EFS: variants seen among roughly 807,000 people sequenced by gnomAD.
The protein encoded by EFS is Cas scaffolding protein family member 3.
A neutral mutation model predicts 42.2 loss-of-function variants in EFS; 34 were observed. The observed-to-expected ratio is 0.81, with a 90% CI of 0.61 to 1.07. The LOEUF (loss-of-function observed/expected upper bound fraction) is 1.07. Among genes scored for constraint, EFS ranks in the 50% least tolerant of loss-of-function variants. The pLI, the probability that EFS is intolerant of heterozygous loss-of-function variation, is 0.00. For synonymous variants in EFS, 299 were observed against 320.7 expected, an observed-to-expected ratio of 0.93 and a Z score of 0.72; for missense variants, 717 against 729.4, an observed-to-expected ratio of 0.98 and a Z score of 0.20.
Position 23,360,002 on chromosome 14 carries a change from G to A in EFS, c.476C>T (p.Ser159Phe), listed in dbSNP as rs1468153096. 1 of 1,603,742 alleles carries A rather than the reference G, an allele frequency of 6.2e-7. No individual in the cohort carries two copies. Among genetic ancestry groups the A allele is most frequent in the Non-Finnish European group, 8.5e-7 (1 of 1,175,770 alleles). ...DVPPTALRVP[S>F]SGPYDCPASF... ...GGCAGGGCAGTCATAGGGGCCACTGGAGGGCACCCGGAGGGCGGTGGGGGG... is the reference window on the plus strand; with the variant it reads ...GGCAGGGCAGTCATAGGGGCCACTGAAGGGCACCCGGAGGGCGGTGGGGGG... The change falls in exon 4 of 6, where the codon TCC becomes TTC. Residue 159 changes from serine (S) to phenylalanine (F), a missense_variant. Physicochemically the swap from Ser to Phe is radical, Grantham distance 155. Coordinates refer to ENST00000216733, the MANE Select transcript of EFS (RefSeq NM_005864.4).
Position 23,359,967 on chromosome 14 carries a change from G to A in EFS, c.511C>T (p.His171Tyr), listed in dbSNP as rs1402314630. The A allele has an allele frequency of 1.3e-6, 2 of 1,577,766 alleles. No homozygotes were observed. The highest frequency in any genetic ancestry group is 1.7e-6 in the Non-Finnish European group (2 of 1,163,118). ...GPYDCPASFSHPLTRVAPQPP... is the reference protein window; with the variant it reads ...GPYDCPASFSYPLTRVAPQPP... ...TGCGGGGCAACCCGGGTCAGAGGGT[G>A]GGAAAAGGAGGCAGGGCAGTCATAG... The change falls in exon 4 of 6, where the codon CAC (histidine) becomes TAC (tyrosine). Residue 171 changes from histidine to tyrosine, a missense_variant. Transcript: ENST00000216733.
intron 1 of EFS, among the ~76,000 whole-genome samples, chr14:23,364,127 G>A (rs1003973260): frequency 5.9e-5 from 9 of 152,174 alleles, no homozygotes; most frequent in African/African-American, 9.7e-5. Flanking sequence ...CTAGAAGAGG[G>A]TGGAAAGGGA....
In EFS at chr14:23,357,250, G is replaced by C. The variant is rs761281297; in HGVS notation, c.1662C>G (p.Thr554=). The change falls in exon 6 of 6, where the codon ACC becomes ACG. Residue 554 remains threonine, a synonymous_variant. Transcript: ENST00000216733. The stretch of plus-strand genomic sequence containing the variant: ...TTCATGGAGCCAGGCTAGTGAGCAG[G>C]GTAGTGAATTGCAGGGCCTGCCCTG... ...ELAGQALQFT[T]LLTSLAP 2.9e-5 allele frequency: 45 copies of C among 1,568,734 alleles called. No individual in the cohort carries two copies. The South Asian group carries it at 5.2e-4, about 18-fold the overall frequency.
chr14:23,360,368 C>T, intron 2 of EFS, 87 bp from the exon 3 acceptor site: 1 of 1,524,540 alleles, frequency 6.6e-7, no homozygotes. Context: ...TAGAGACCTT[C>T]TAACTCTCCC....
At chr14:23,364,506 T>G (rs1890255610) in intron 1 of EFS, among the ~76,000 whole-genome samples, 1 of 152,166 alleles carries the variant, frequency 6.6e-6, no homozygotes. Flanking sequence ...TCCCTCTGTC[T>G]TCTCTTTCTT....
rs778032789 is a variant in EFS at position 23,357,422 on chromosome 14, G to A, written c.1490C>T (p.Ser497Phe). The change falls in exon 6 of 6, where the codon TCT (serine) becomes TTT (phenylalanine). Residue 497 changes from serine to phenylalanine, a missense_variant. Transcript: ENST00000216733. The part of the protein sequence containing the change: ...VGDTLGRLAA[S>F]APLRAQVRAA... Reference sequence around the variant, plus strand: ...CCTGACCTGTGCTCTCAGAGGGGCAGAGGCTGCCAGCCGGCCCAGGGTGTC... The same window carrying A: ...CCTGACCTGTGCTCTCAGAGGGGCAAAGGCTGCCAGCCGGCCCAGGGTGTC... 7.1e-5 allele frequency: 114 copies of A among 1,612,180 alleles called. 1 individual carries two copies. Among genetic ancestry groups the A allele is most frequent in the Admixed American group, 1.2e-4 (7 of 59,920 alleles).
chr14:23,365,161 A>C lies in EFS; in HGVS notation c.-136T>G, dbSNP rs1595031910. 5 of 767,950 alleles carry C rather than the reference A, an allele frequency of 6.5e-6. No homozygotes were observed. The highest frequency in any genetic ancestry group is 3.4e-5 in the East Asian group (1 of 29,562). The allele number at this position is 767,950 out of a possible 1,614,324, so 47.6% of individuals were successfully genotyped here. On this transcript the variant is annotated 5_prime_UTR_variant, in exon 1 of 6. Transcript: ENST00000216733. This position sits in a 1 kb window ranked among gnomAD's most constrained non-coding sequence, Gnocchi z 5.3. ...GAGTCGTGGCCTCCGCCAAGGTTGG[A>C]GGAGGAGAAAGAAAACCCACAAAAC...
intron 2 of EFS, 21 bp from the exon 3 acceptor site, chr14:23,360,302 G>C (rs1351677769): frequency 1.3e-6 from 2 of 1,597,034 alleles, no homozygotes; most frequent in East Asian, 4.5e-5. Flanking sequence ...AAATAGATGG[G>C]GGGTCAGGAG....
In EFS at chr14:23,360,453, C is replaced by T. The variant is rs1890108066; in HGVS notation, c.297+102G>A. On this transcript the variant is annotated intron_variant, in intron 2 of 5. Transcript: ENST00000216733. ...AGCGCAGAGCAGTGAAGAGCTGTGG[C>T]CTCAGGGCTCTTCCTGCCCACCTGC... 3 of 1,491,060 alleles carry T rather than the reference C, an allele frequency of 2.0e-6. No individual in the cohort carries two copies. The African/African-American group carries it at 4.2e-5, about 21-fold the overall frequency. The allele number at this position is 1,491,060 out of a possible 1,614,324, so 92.4% of individuals were successfully genotyped here.
Position 23,357,305 on chromosome 14 carries a change from T to C in EFS, c.1607A>G (p.Gln536Arg). 6.2e-7 allele frequency: 1 copy of C among 1,610,106 alleles called. No homozygotes were observed. Among genetic ancestry groups the C allele is most frequent in the African/African-American group, 1.3e-5 (1 of 74,992 alleles). ...TTCTGTTACACACTGCACCATCTCT[T>C]GGATGGCAGGGCTGGATGGGTAGCC... Reference protein sequence around the residue: ...ALGYPSSPAIQEMVQCVTELA... With the variant: ...ALGYPSSPAIREMVQCVTELA... The change falls in exon 6 of 6, where the codon CAA (glutamine) becomes CGA (arginine). Residue 536 changes from glutamine to arginine, a missense_variant. Physicochemically the swap from Gln to Arg is conservative, Grantham distance 43. Transcript: ENST00000216733.
At chr14:23,362,917 CTTTT>C (rs57240518) in intron 1 of EFS, among the ~76,000 whole-genome samples, 1 of 139,746 alleles carries the variant, frequency 7.2e-6, no homozygotes, top group African/African-American at 2.7e-5. Context: ...TTCTTTCTTT[CTTTT>C]TTTTTTTTTT....
Position 23,360,474 on chromosome 14 carries a change from C to T in EFS, c.297+81G>A, listed in dbSNP as rs905200405. 5.3e-6 allele frequency: 8 copies of T among 1,508,226 alleles called. No homozygotes were observed. The Admixed American group carries it at 9.0e-5, about 17-fold the overall frequency. The allele number at this position is 1,508,226 out of a possible 1,614,324, so 93.4% of individuals were successfully genotyped here. ...GTGGCCTCAGGGCTCTTCCTGCCCACCTGCTGCAGGCCCTGGGTGGGGCTA... is the reference window on the plus strand; with the variant it reads ...GTGGCCTCAGGGCTCTTCCTGCCCATCTGCTGCAGGCCCTGGGTGGGGCTA... On this transcript the variant is annotated intron_variant, in intron 2 of 5. Coordinates refer to ENST00000216733, the MANE Select transcript of EFS (RefSeq NM_005864.4).
At chr14:23,360,946 A>C in intron 1 of EFS, 113 bp from the exon 2 acceptor site, 1 of 1,115,544 alleles carries the variant, frequency 9.0e-7, no homozygotes, top group Non-Finnish European at 1.2e-6. Flanking sequence ...AAAAACCTGA[A>C]CTCTGGATGC....
In EFS at chr14:23,357,144, C is replaced by T. The variant is rs1889939792; in HGVS notation, c.*82G>A. ...AAGATACCCCCATTTCTCCTAGTCCCTTAACAAAGCCTTCCAGCCACCCAA... is the reference window on the plus strand; with the variant it reads ...AAGATACCCCCATTTCTCCTAGTCCTTTAACAAAGCCTTCCAGCCACCCAA... On this transcript the variant is annotated 3_prime_UTR_variant, in exon 6 of 6. Transcript: ENST00000216733. 2.2e-6 allele frequency: 3 copies of T among 1,375,852 alleles called. No homozygotes were observed. Among genetic ancestry groups the T allele is most frequent in the African/African-American group, 2.9e-5 (2 of 68,960 alleles). The allele number at this position is 1,375,852 out of a possible 1,614,324, so 85.2% of individuals were successfully genotyped here. A position where few individuals can be genotyped will look rare whatever the true frequency, so the allele number is the denominator to read the frequency against.
At chr14:23,364,091 G>A (rs1488433337) in intron 1 of EFS, among the ~76,000 whole-genome samples, 4 of 152,100 alleles carry the variant, frequency 2.6e-5, no homozygotes, top group Admixed American at 6.6e-5. Context: ...TGACGGCCTC[G>A]CTTCCCTGGG....
chr14:23,358,120 C>T (rs926719722), intron 5 of EFS, among the ~76,000 whole-genome samples: 1 of 152,134 alleles, frequency 6.6e-6, no homozygotes. Flanking sequence ...TCTGTAAAAT[C>T]CAGGCTGCAT....
chr14:23,357,264 G>T lies in EFS; in HGVS notation c.1648C>A (p.Leu550Met). 6.3e-7 allele frequency: 1 copy of T among 1,578,546 alleles called. No individual in the cohort carries two copies. ...QCVTELAGQA[L>M]QFTTLLTSLA... ...CTAGTGAGCAGGGTAGTGAATTGCA[G>T]GGCCTGCCCTGCCAGTTCTGTTACA... The change falls in exon 6 of 6, where the codon CTG becomes ATG. Residue 550 changes from leucine to methionine, a missense_variant. Leu to Met is a conservative substitution (Grantham distance 15). Coordinates refer to ENST00000216733, the MANE Select transcript of EFS (RefSeq NM_005864.4).
Position 23,359,552 on chromosome 14 carries a change from G to T in EFS, c.926C>A (p.Ala309Asp). The change falls in exon 4 of 6, where the codon GCC becomes GAC. Residue 309 changes from alanine to aspartate, a missense_variant. By Grantham distance (126) the Ala-to-Asp change is moderately radical. Transcript: ENST00000216733. The part of the protein sequence containing the change: ...AESLSRRPLP[A>D]LPVPEAPSPS... ...GCTGGGGGCCTCAGGGACAGGCAGG[G>T]CAGGCAGAGGGCGGCGGGACAGGCT... The T allele has an allele frequency of 2.0e-6, 3 of 1,510,690 alleles. No homozygotes were observed. Among genetic ancestry groups the T allele is most frequent in the Non-Finnish European group, 2.6e-6 (3 of 1,136,284 alleles). 93.6% of individuals were successfully genotyped at this position (1,510,690 alleles called of 1,614,324 possible).
Position 23,360,153 on chromosome 14 carries a change from T to G in EFS, c.426A>C (p.Arg142Ser), listed in dbSNP as rs1566491553. Residue 142 changes from arginine to serine, a missense_variant, in exon 3 of 6, where the codon AGA becomes AGC. Coordinates refer to ENST00000216733, the MANE Select transcript of EFS (RefSeq NM_005864.4). ...RASGTQLAAP[R>S]DALEVYDVPP... is the part of the protein sequence containing the mutation. ...CTCTAGCCCTCACCTCCAAGGCATCTCTGGGAGCAGCCAGCTGGGTCCCAC... is the reference window on the plus strand; with the variant it reads ...CTCTAGCCCTCACCTCCAAGGCATCGCTGGGAGCAGCCAGCTGGGTCCCAC... 1.2e-6 allele frequency: 2 copies of G among 1,614,128 alleles called. No homozygotes were observed. Among genetic ancestry groups the G allele is most frequent in the Non-Finnish European group, 1.7e-6 (2 of 1,180,018 alleles).
Sources: gnomAD v4.1 joint callset for allele counts (sites outside exome capture counted in the v4.1 genomes callset) on GRCh38, gnomAD v4.1.1 for gene constraint, Gnocchi (gnomAD v3.1) non-coding constraint, MANE v1.5 for transcripts, NCBI Gene and HGNC (gene_info 2026-07-23, HGNC 2026-07-21) for gene names.